LINC00305: variants seen among roughly 807,000 people sequenced by gnomAD.
LINC00305 encodes long independently transcribed non-coding RNA 305.
At chr18:64,107,418 C>T (rs936158239) in intron 1 of LINC00305, among the ~76,000 whole-genome samples, 12 of 152,092 alleles carry the variant, frequency 7.9e-5, no homozygotes, top group African/African-American at 9.7e-5. Flanking sequence ...AGCATAGTGT[C>T]GAGGAAAGAG....
intron 3 of LINC00305, among the ~76,000 whole-genome samples, chr18:64,080,586 G>T (rs186457108): frequency 5.9e-4 from 89 of 152,100 alleles, no homozygotes; most frequent in Admixed American, 1.2e-3. Context: ...TCTATACCAG[G>T]ATTTTATCAT....
chr18:64,082,078 C>A (rs1439569434), intron 3 of LINC00305, among the ~76,000 whole-genome samples: 1 of 152,152 alleles, frequency 6.6e-6, no homozygotes, highest in Non-Finnish European at 1.5e-5. Flanking sequence ...CTTTGTAAGA[C>A]TAACAAATTG....
intron 1 of LINC00305, among the ~76,000 whole-genome samples, chr18:64,143,526 T>G (rs2051474884): frequency 7.1e-6 from 1 of 140,968 alleles, no homozygotes; most frequent in Non-Finnish European, 1.5e-5. Flanking sequence ...ATATACATAT[T>G]ATGTGTACAT....
intron 1 of LINC00305, among the ~76,000 whole-genome samples, chr18:64,121,878 GC>G (rs1211597855): frequency 6.6e-6 from 1 of 152,030 alleles, no homozygotes; most frequent in Non-Finnish European, 1.5e-5. Flanking sequence ...TTCAATAATA[GC>G]CATTCTGACT....
chr18:64,091,015 C>T (rs551931662), intron 3 of LINC00305, among the ~76,000 whole-genome samples: 4 of 152,306 alleles, frequency 2.6e-5, no homozygotes, highest in Admixed American at 2.0e-4. Flanking sequence ...GCAGGACTGA[C>T]AAGAAAAGGA....
At chr18:64,080,380 T>G (rs1052214141) in exon 4 of LINC00305, 16 of 456,864 alleles carry the variant, frequency 3.5e-5, no homozygotes, top group African/African-American at 3.2e-4. Flanking sequence ...GGTTGTAACC[T>G]TTTGAAAGGT....
At chr18:64,131,547 A>T (rs1312366393) in intron 1 of LINC00305, among the ~76,000 whole-genome samples, 2 of 152,216 alleles carry the variant, frequency 1.3e-5, no homozygotes, top group African/African-American at 2.4e-5. Context: ...TTGGTATGTC[A>T]TGTAGTTCAG....
chr18:64,089,768 G>A (rs1404396784), intron 3 of LINC00305, among the ~76,000 whole-genome samples: 8 of 152,326 alleles, frequency 5.3e-5, no homozygotes, highest in East Asian at 3.9e-4. Context: ...AGCAAGTCGC[G>A]TCTTATATGG....
chr18:64,120,957 T>C (rs2051359129), intron 1 of LINC00305, among the ~76,000 whole-genome samples: 1 of 152,276 alleles, frequency 6.6e-6, no homozygotes, highest in African/African-American at 2.4e-5. Context: ...ACTTTAAGAT[T>C]ACTCATAGGC....
intron 1 of LINC00305, among the ~76,000 whole-genome samples, chr18:64,117,678 T>C (rs1348375329): frequency 6.6e-6 from 1 of 152,180 alleles, no homozygotes; most frequent in Non-Finnish European, 1.5e-5. Flanking sequence ...TAAAACCTTT[T>C]ACCCCACTGG....
At chr18:64,125,548 AGTAT>A (rs1353684572) in intron 1 of LINC00305, among the ~76,000 whole-genome samples, 20 of 152,178 alleles carry the variant, frequency 1.3e-4, no homozygotes, top group Admixed American at 1.3e-4. Flanking sequence ...AGATACATTA[AGTAT>A]GTCGCAATTT....
At chr18:64,098,094 C>T (rs934504851) in intron 2 of LINC00305, 1 of 429,346 alleles carries the variant, frequency 2.3e-6, no homozygotes, top group East Asian at 7.2e-5. Flanking sequence ...GGTACAGAGG[C>T]AAAGTTCTCT....
Position 64,117,758 on chromosome 18 carries a change from G to A in LINC00305, n.315-19118C>T, listed in dbSNP as rs543885169. Among the ~76,000 whole-genome samples, 4 of 152,306 alleles carry A rather than the reference G, an allele frequency of 2.6e-5. No homozygotes were observed. The East Asian group carries it at 7.7e-4, about 29-fold the overall frequency. On this transcript the variant is annotated intron_variant and non_coding_transcript_variant, in intron 1 of 3. Transcript: ENST00000666468. ...GAGAACAACTCTCCGCCTCTCCAGT[G>A]AGCAGATCCAGGCTTTGCCTCCATG... is the stretch of plus-strand genomic sequence containing the variant.
intron 1 of LINC00305, among the ~76,000 whole-genome samples, chr18:64,123,237 G>A (rs2051369857): frequency 6.6e-6 from 1 of 152,014 alleles, no homozygotes; most frequent in Non-Finnish European, 1.5e-5. Flanking sequence ...GGTGAAAGCG[G>A]TTACCTCTTC....
intron 3 of LINC00305, among the ~76,000 whole-genome samples, chr18:64,095,396 A>G (rs747427707): frequency 3.9e-5 from 6 of 152,352 alleles, no homozygotes; most frequent in South Asian, 2.1e-4. Flanking sequence ...TTATTGCAGA[A>G]GATAAATTAT....
chr18:64,086,756 T>C lies in LINC00305; in HGVS notation n.541-6354A>G, dbSNP rs565270176. 2.2e-4 allele frequency among the ~76,000 whole-genome samples: 34 copies of C among 152,378 alleles called. No individual in the cohort carries two copies. In the South Asian group the frequency reaches 6.8e-3, roughly 31 times the overall value. Reference sequence around the variant, plus strand: ...TTTTCCCCTTGCTCTGTTAGGAAGCTACACACCATTTTTGATTGTTTAGGC... The same window carrying C: ...TTTTCCCCTTGCTCTGTTAGGAAGCCACACACCATTTTTGATTGTTTAGGC... On this transcript the variant is annotated intron_variant and non_coding_transcript_variant, in intron 3 of 3. Coordinates refer to ENST00000666468, the Ensembl canonical transcript of LINC00305.
At position 64,135,617 on chromosome 18, in the gene LINC00305, G is replaced by A. The variant is rs144673598; in HGVS notation, n.314+13158C>T. ...CTTTTTTATTTTGAGACAGAGTCTC[G>A]CTCTGTTGCCCAGGCTGGAGTGCAG... On this transcript the variant is annotated intron_variant and non_coding_transcript_variant, in intron 1 of 3. Transcript: ENST00000666468. 2.6e-3 allele frequency among the ~76,000 whole-genome samples: 396 copies of A among 152,136 alleles called. 3 individuals carry two copies. Among genetic ancestry groups the A allele is most frequent in the African/African-American group, 9.2e-3 (381 of 41,510 alleles).
At chr18:64,143,838 G>A (rs1272248072) in intron 1 of LINC00305, among the ~76,000 whole-genome samples, 1 of 148,552 alleles carries the variant, frequency 6.7e-6, no homozygotes, top group African/African-American at 2.5e-5. Context: ...TAATTCTTAT[G>A]TATGTATACA....
At chr18:64,108,250 A>G (rs559271066) in intron 1 of LINC00305, among the ~76,000 whole-genome samples, 5 of 152,376 alleles carry the variant, frequency 3.3e-5, no homozygotes, top group Admixed American at 3.3e-4. Context: ...AATTGCCAGC[A>G]TGCTAAGAAC....
Sources: allele counts gnomAD v4.1 joint callset (sites outside exome capture counted in the v4.1 genomes callset), GRCh38; gene constraint gnomAD v4.1.1; transcripts MANE v1.5; gene names NCBI Gene and HGNC (gene_info 2026-07-23, HGNC 2026-07-21).